The following SHANK2 variants were observed in gnomAD, a reference collection of about 807,000 sequenced individuals.
The protein encoded by SHANK2 is SH3 and multiple ankyrin repeat domains protein 2.
Under a neutral mutation model 133.7 loss-of-function variants are expected in SHANK2, and 43 were observed. That is an observed-to-expected ratio of 0.32 (90% CI 0.25 to 0.41). The LOEUF is 0.41. SHANK2 is among the 10% of genes least tolerant of loss of function. SHANK2 has a pLI of 1.00. For missense variants in SHANK2, 1,994 were observed against 2,235.8 expected, an observed-to-expected ratio of 0.89 and a Z score of 2.18; for synonymous variants, 1,017 against 952.8, an observed-to-expected ratio of 1.07 and a Z score of -1.24.
intron 14 of SHANK2, among the ~76,000 whole-genome samples, chr11:70,759,310 C>T (rs1846392492): frequency 6.6e-6 from 1 of 151,920 alleles, no homozygotes; most frequent in African/African-American, 2.4e-5. Flanking sequence ...CCTGGCCAAA[C>T]CCCGTCACTA....
At chr11:70,623,904 C>A (rs1289252568) in intron 17 of SHANK2, among the ~76,000 whole-genome samples, 8 of 152,208 alleles carry the variant, frequency 5.3e-5, no homozygotes, top group Non-Finnish European at 7.3e-5. Flanking sequence ...CCTATGGCCC[C>A]TCCCAGGCCA....
intron 9 of SHANK2, among the ~76,000 whole-genome samples, chr11:71,065,936 GGC>G (rs1951050403): frequency 1.7e-5 from 2 of 116,200 alleles, no homozygotes; most frequent in African/African-American, 7.0e-5. Flanking sequence ...AGTTGGTGGG[GGC>G]GGGGTACAGA....
chr11:71,094,760 C>T lies in SHANK2; in HGVS notation c.593-72G>A, dbSNP rs1371965251. 9 of 1,464,282 alleles carry T rather than the reference C, an allele frequency of 6.1e-6. No homozygotes were observed. The East Asian group carries it at 2.0e-4, about 33-fold the overall frequency. The allele number at this position is 1,464,282 out of a possible 1,614,324, so 90.7% of individuals were successfully genotyped here. On this transcript the variant is annotated intron_variant, in intron 6 of 25. Transcript: ENST00000601538. ...TGCTCACAAAGCCATATTCAGATGCCCAAAACTAAGCTGAAAGAACTGACT... is the reference window on the plus strand; with the variant it reads ...TGCTCACAAAGCCATATTCAGATGCTCAAAACTAAGCTGAAAGAACTGACT...
chr11:70,798,979 G>C (rs1947983903), intron 13 of SHANK2, among the ~76,000 whole-genome samples: 1 of 152,104 alleles, frequency 6.6e-6, no homozygotes, highest in African/African-American at 2.4e-5. Context: ...AAGCAGGGAG[G>C]AAATGATGAG....
intron 10 of SHANK2, chr11:70,952,652 C>T (rs781855642): frequency 1.3e-4 from 37 of 286,324 alleles, no homozygotes; most frequent in Non-Finnish European, 2.1e-4. Flanking sequence ...ACAGCAGAGA[C>T]GCACCCAAGC....
chr11:70,714,790 G>A (rs1945872571), intron 14 of SHANK2, among the ~76,000 whole-genome samples: 1 of 151,494 alleles, frequency 6.6e-6, no homozygotes, highest in Non-Finnish European at 1.5e-5. Flanking sequence ...TTTTGCAAAA[G>A]ATTGGTTTTA....
intron 3 of SHANK2, among the ~76,000 whole-genome samples, chr11:71,144,668 A>C (rs1952612710): frequency 6.6e-6 from 1 of 152,232 alleles, no homozygotes; most frequent in African/African-American, 2.4e-5. Flanking sequence ...AAGGGAAAAA[A>C]AACTGTAACA....
chr11:70,545,989 G>T (rs1554976282), intron 17 of SHANK2, among the ~76,000 whole-genome samples: 1 of 152,142 alleles, frequency 6.6e-6, no homozygotes, highest in African/African-American at 2.4e-5. Context: ...AGCCCACAGG[G>T]AAGAGAAGCT....
At chr11:70,787,417 C>G (rs1555046864) in intron 14 of SHANK2, among the ~76,000 whole-genome samples, 1 of 151,100 alleles carries the variant, frequency 6.6e-6, no homozygotes, top group African/African-American at 2.4e-5. Context: ...TGACCACCAC[C>G]ACCACCAGCA....
At chr11:71,068,564 T>C (rs1302754578) in intron 9 of SHANK2, among the ~76,000 whole-genome samples, 1 of 152,242 alleles carries the variant, frequency 6.6e-6, no homozygotes, top group East Asian at 1.9e-4. Flanking sequence ...ATAGTGACTT[T>C]GGTCATGCTC....
At chr11:71,186,849 C>T (rs1029254846) in intron 2 of SHANK2, among the ~76,000 whole-genome samples, 3 of 152,240 alleles carry the variant, frequency 2.0e-5, no homozygotes, top group African/African-American at 4.8e-5. Context: ...GCCACTACCT[C>T]GGCCCTCGGC....
chr11:70,925,801 A>G (rs1160943444), intron 10 of SHANK2, among the ~76,000 whole-genome samples: 1 of 152,142 alleles, frequency 6.6e-6, no homozygotes. Context: ...CGGTGCTAAC[A>G]TCCTATAAAC....
intron 17 of SHANK2, among the ~76,000 whole-genome samples, chr11:70,589,958 C>T (rs146105739): frequency 6.6e-6 from 1 of 151,886 alleles, no homozygotes; most frequent in South Asian, 2.1e-4. Flanking sequence ...TCAAGACCAT[C>T]CTGGCTAACA....
At chr11:70,483,729 C>G (rs1336054695) in intron 25 of SHANK2, among the ~76,000 whole-genome samples, 1 of 152,056 alleles carries the variant, frequency 6.6e-6, no homozygotes, top group East Asian at 1.9e-4. Flanking sequence ...TCTCAAAATT[C>G]CTGGAGGCTG....
intron 13 of SHANK2, among the ~76,000 whole-genome samples, chr11:70,805,881 A>AAGAAAAATGACTG (rs373830887): frequency 5.9e-5 from 9 of 152,364 alleles, no homozygotes; most frequent in Middle Eastern, 3.4e-3. Context: ...ATCTAATGTA[A>AAGAAAAATGACTG]AGAAAAATGA....
At chr11:70,539,497 G>A (rs1427670710) in intron 17 of SHANK2, among the ~76,000 whole-genome samples, 1 of 148,722 alleles carries the variant, frequency 6.7e-6, no homozygotes, top group African/African-American at 2.5e-5. Context: ...CACTCGCCAC[G>A]CTCACCACGC....
At chr11:70,649,367 C>A (rs1186167201) in intron 17 of SHANK2, among the ~76,000 whole-genome samples, 1 of 152,156 alleles carries the variant, frequency 6.6e-6, no homozygotes, top group Non-Finnish European at 1.5e-5. Context: ...GCGGGGCTAC[C>A]ATTCTCAGGG....
intron 11 of SHANK2, among the ~76,000 whole-genome samples, chr11:70,821,466 C>T (rs1555055935): frequency 6.6e-6 from 1 of 152,124 alleles, no homozygotes; most frequent in African/African-American, 2.4e-5. Flanking sequence ...CGCCCTGTCA[C>T]CCAGGCTACA....
At chr11:71,092,338 G>A in intron 8 of SHANK2, 84 bp downstream of exon 8, 1 of 1,461,430 alleles carries the variant, frequency 6.8e-7, no homozygotes, top group East Asian at 2.5e-5. Context: ...CTAACCTTTG[G>A]GCCACCCTGC....
Sources: allele counts gnomAD v4.1 joint callset (sites outside exome capture counted in the v4.1 genomes callset), GRCh38; gene constraint gnomAD v4.1.1; transcripts MANE v1.5; gene names NCBI Gene and HGNC (gene_info 2026-07-23, HGNC 2026-07-21).